Variants in NFIA observed in about 807,000 individuals in gnomAD.
NFIA encodes nuclear factor I A, also known as nuclear factor 1 A-type.
In NFIA, 8 loss-of-function variants were observed where a neutral mutation model predicts 62.8. The observed-to-expected ratio is 0.13, with a 90% CI of 0.07 to 0.23. The LOEUF is 0.23. Ranked by LOEUF, NFIA falls within the 10% of genes least tolerant of loss-of-function variation. The pLI is 1.00. For missense variants in NFIA, 410 were observed against 642.1 expected (o/e 0.64, Z 3.91); for synonymous variants, 235 against 238.1 (o/e 0.99, Z 0.12).
chr1:61,298,295 T>C (rs543268906), intron 3 of NFIA, among the ~76,000 whole-genome samples: 1 of 152,236 alleles, frequency 6.6e-6, no homozygotes, highest in South Asian at 2.1e-4. Context: ...ACCAGGATTG[T>C]AAGTTTCCTG....
chr1:61,244,040 G>A (rs963954757), intron 2 of NFIA, among the ~76,000 whole-genome samples: 16 of 152,248 alleles, frequency 1.1e-4, no homozygotes, highest in Non-Finnish European at 2.1e-4. Context: ...TAGCATACAC[G>A]TGTAATTAGT....
chr1:61,260,921 G>A lies in NFIA; in HGVS notation c.560-16599G>A, dbSNP rs550308414. Reference sequence around the variant, plus strand: ...GTTTCCACTTCCTTGGTTGCTGAATGATTTGTAATATTGTAATCAGTATAT... The same window carrying A: ...GTTTCCACTTCCTTGGTTGCTGAATAATTTGTAATATTGTAATCAGTATAT... On this transcript the variant is annotated intron_variant, in intron 2 of 10. Coordinates refer to ENST00000403491, the MANE Select transcript of NFIA (RefSeq NM_001134673.4). 4.6e-5 allele frequency among the ~76,000 whole-genome samples: 7 copies of A among 152,290 alleles called. No individual in the cohort carries two copies. In the South Asian group the frequency reaches 1.4e-3, roughly 32 times the overall value.
chr1:61,332,907 T>A (rs1661371455), intron 4 of NFIA, among the ~76,000 whole-genome samples: 2 of 152,168 alleles, frequency 1.3e-5, no homozygotes, highest in African/African-American at 4.8e-5. Context: ...TCAGTATGAG[T>A]GACACAGTCT....
intron 9 of NFIA, among the ~76,000 whole-genome samples, chr1:61,418,995 G>T (rs1666482465): frequency 6.6e-6 from 1 of 152,154 alleles, no homozygotes; most frequent in Non-Finnish European, 1.5e-5. Context: ...AACATTTTCT[G>T]TCAATTGAGC....
At chr1:61,310,695 C>CTTTCTTT (rs1660054084) in intron 3 of NFIA, among the ~76,000 whole-genome samples, 1 of 152,052 alleles carries the variant, frequency 6.6e-6, no homozygotes, top group Non-Finnish European at 1.5e-5. Context: ...CACTTGCCTT[C>CTTTCTTT]TTTCTTTTCT....
chr1:61,214,897 C>T (rs887400960), intron 2 of NFIA, among the ~76,000 whole-genome samples: 4 of 152,082 alleles, frequency 2.6e-5, no homozygotes, highest in Non-Finnish European at 5.9e-5. Flanking sequence ...GTCTTGGCTC[C>T]GAGTTACCCT....
Position 61,145,897 on chromosome 1 carries a change from C to G in NFIA, c.559+57217C>G, listed in dbSNP as rs576327259. 1.9e-4 allele frequency among the ~76,000 whole-genome samples: 29 copies of G among 152,326 alleles called. No individual in the cohort carries two copies. In the South Asian group the frequency reaches 4.3e-3, roughly 23 times the overall value. ...TCACTGCCGATTTAATTCAACTCTTCTTTGTATGACTACAAGTCCTGTGTT... is the reference window on the plus strand; with the variant it reads ...TCACTGCCGATTTAATTCAACTCTTGTTTGTATGACTACAAGTCCTGTGTT... On this transcript the variant is annotated intron_variant, in intron 2 of 10. Transcript: ENST00000403491.
intron 2 of NFIA, among the ~76,000 whole-genome samples, chr1:61,124,411 A>G (rs1404026550): frequency 1.3e-5 from 2 of 152,226 alleles, no homozygotes; most frequent in Non-Finnish European, 2.9e-5. Context: ...ATATGGGTGC[A>G]CAAAAACAGG....
chr1:61,292,629 G>C (rs1209589551), intron 3 of NFIA, among the ~76,000 whole-genome samples: 2 of 152,170 alleles, frequency 1.3e-5, no homozygotes, highest in Admixed American at 1.3e-4. Flanking sequence ...ATATGGTGGA[G>C]GCACAAGTGA....
At chr1:61,218,568 A>G (rs1350740214) in intron 2 of NFIA, among the ~76,000 whole-genome samples, 2 of 152,228 alleles carry the variant, frequency 1.3e-5, no homozygotes, top group African/African-American at 4.8e-5. Context: ...AAAAGAAGAA[A>G]ATAAAATCAC....
chr1:61,158,682 G>A (rs1648976392), intron 2 of NFIA, among the ~76,000 whole-genome samples: 4 of 152,200 alleles, frequency 2.6e-5, no homozygotes, highest in Admixed American at 2.0e-4. Flanking sequence ...TGGTCTTACA[G>A]TAACCACAGA....
chr1:61,380,958 A>G (rs1342043751), intron 6 of NFIA, among the ~76,000 whole-genome samples: 4 of 152,188 alleles, frequency 2.6e-5, no homozygotes, highest in Non-Finnish European at 5.9e-5. Context: ...AATCATGTCA[A>G]TATTTCTGCA....
intron 2 of NFIA, among the ~76,000 whole-genome samples, chr1:61,112,127 T>G (rs1473424303): frequency 9.7e-6 from 1 of 102,906 alleles, no homozygotes; most frequent in African/African-American, 3.7e-5. Context: ...TAGAAAGATT[T>G]TTTTTTTTTA....
intron 2 of NFIA, among the ~76,000 whole-genome samples, chr1:61,257,001 A>G (rs778800507): frequency 2.6e-5 from 4 of 152,204 alleles, no homozygotes; most frequent in Non-Finnish European, 5.9e-5. Context: ...TAATTAAAGG[A>G]CTACCAGTTG....
chr1:61,208,921 T>A (rs1222908320), intron 2 of NFIA, among the ~76,000 whole-genome samples: 2 of 152,192 alleles, frequency 1.3e-5, no homozygotes, highest in African/African-American at 4.8e-5. Context: ...ACTTGTTTTA[T>A]GACACATTTA....
upstream of NFIA, chr1:61,082,183 A>G (rs1646106781): frequency 2.5e-5 from 4 of 159,138 alleles, no homozygotes; most frequent in South Asian, 2.7e-4. Context: ...GTTACCCAGT[A>G]ATGCGCTGAT....
At chr1:61,340,530 C>A (rs1427033171) in intron 4 of NFIA, among the ~76,000 whole-genome samples, 1 of 152,120 alleles carries the variant, frequency 6.6e-6, no homozygotes, top group African/African-American at 2.4e-5. Flanking sequence ...AGGAATACCT[C>A]TCAGGAGTGT....
chr1:61,326,720 C>G (rs563331797), intron 3 of NFIA, among the ~76,000 whole-genome samples: 2 of 152,212 alleles, frequency 1.3e-5, no homozygotes, highest in African/African-American at 2.4e-5. Flanking sequence ...AAAGTGTTCC[C>G]CAGTGGTGGG....
At chr1:61,325,212 TTAA>T (rs1213915740) in intron 3 of NFIA, among the ~76,000 whole-genome samples, 1 of 152,260 alleles carries the variant, frequency 6.6e-6, no homozygotes, top group Non-Finnish European at 1.5e-5. Flanking sequence ...TCTTTCAATA[TTAA>T]TAATATCTGA....
Sources: gnomAD v4.1 joint callset for allele counts (sites outside exome capture counted in the v4.1 genomes callset) on GRCh38, gnomAD v4.1.1 for gene constraint, MANE v1.5 for transcripts, NCBI Gene and HGNC (gene_info 2026-07-23, HGNC 2026-07-21) for gene names.